QRICH2: variants seen among roughly 807,000 people sequenced by gnomAD.
The protein encoded by QRICH2 is glutamine rich 2, also known as glutamine-rich protein 2.
Under a neutral mutation model 168.3 loss-of-function variants are expected in QRICH2, and 119 were observed. The observed-to-expected ratio is 0.71, with a 90% CI of 0.61 to 0.82. The LOEUF is 0.82. Among genes scored for constraint, QRICH2 ranks in the 40% least tolerant of loss-of-function variants. The pLI, the probability that QRICH2 is intolerant of heterozygous loss-of-function variation, is 0.00. For missense variants in QRICH2, 2,241 were observed against 2,491.6 expected (o/e 0.90, Z 2.14); for synonymous variants, 894 against 951.2 (o/e 0.94, Z 1.11).
intron 2 of QRICH2, 130 bp downstream of exon 2, chr17:76,304,752 T>C (rs2070962590): frequency 1.2e-6 from 1 of 802,046 alleles, no homozygotes; most frequent in Non-Finnish European, 2.2e-6. Flanking sequence ...CCTCCAACCC[T>C]GGGGCAGAGA....
chr17:76,278,452 G>A (rs558693004), intron 14 of QRICH2, among the ~76,000 whole-genome samples: 27 of 152,374 alleles, frequency 1.8e-4, no homozygotes, highest in African/African-American at 6.0e-4. Flanking sequence ...GTGGGTGGAG[G>A]AGCTGAGGGC....
At chr17:76,289,099 G>A (rs1261049174) in intron 5 of QRICH2, among the ~76,000 whole-genome samples, 1 of 138,308 alleles carries the variant, frequency 7.2e-6, no homozygotes, top group African/African-American at 2.8e-5. Flanking sequence ...GTGAGACTGT[G>A]TCTCAAAAAA....
In QRICH2 at chr17:76,307,896, C is replaced by A; in HGVS notation, c.103G>T (p.Val35Leu). Residue 35 changes from valine (V) to leucine (L), a missense_variant, in exon 1 of 19, where the codon GTG becomes TTG. Val to Leu is a conservative substitution (Grantham distance 32, BLOSUM62 1). Transcript: ENST00000680821. The surrounding 1 kb of genome is among the most constrained non-coding windows in gnomAD (Gnocchi z 5.3). ...AGGTCGAGGTTCTTGAGCATGGCCA[C>A]GATGAGCGTGTGCAGGGCCGTGAAG... ...VNFTALHTLI[V>L]AMLKNLDLQN... is the part of the protein sequence containing the mutation. The A allele has an allele frequency of 7.9e-7, 1 of 1,266,448 alleles. No homozygotes were observed. Among genetic ancestry groups the A allele is most frequent in the Non-Finnish European group, 9.9e-7 (1 of 1,007,994 alleles). 78.5% of individuals were successfully genotyped at this position (1,266,448 alleles called of 1,614,324 possible).
At position 76,292,834 on chromosome 17, in the gene QRICH2, G is replaced by A. The variant is rs1411142869; in HGVS notation, c.1893C>T (p.Ala631=). ...VWPGMDQSGL[A]QPGRDQHGLI... ...AACCATGCTGATCTCTACCAGGTTGGGCCAAACCAGACTGATCCATTCCAG... is the reference window on the plus strand; with the variant it reads ...AACCATGCTGATCTCTACCAGGTTGAGCCAAACCAGACTGATCCATTCCAG... Residue 631 remains alanine, a synonymous_variant, in exon 4 of 19, where the codon GCC becomes GCT. Transcript: ENST00000680821. 1.2e-6 allele frequency: 2 copies of A among 1,600,988 alleles called. No individual in the cohort carries two copies. The highest frequency in any genetic ancestry group is 1.7e-6 in the Non-Finnish European group (2 of 1,179,038).
At chr17:76,283,690 A>C (rs148940614) in intron 7 of QRICH2, among the ~76,000 whole-genome samples, 1,467 of 142,238 alleles carry the variant, frequency 0.01, 50 homozygotes, top group Non-Finnish European at 0.014. Context: ...CCTGGCTAAC[A>C]TGGTGAAACC....
upstream of QRICH2, among the ~76,000 whole-genome samples, chr17:76,309,210 GCCGGGCATGGTA>G (rs2071037817): frequency 6.6e-6 from 1 of 150,482 alleles, no homozygotes; most frequent in African/African-American, 2.4e-5. Flanking sequence ...CAAAAAATTA[GCCGGGCATGGTA>G]CCGCGCATCT....
chr17:76,279,971 C>A lies in QRICH2; in HGVS notation c.4748+62G>T, dbSNP rs141175898. On this transcript the variant is annotated intron_variant, in intron 12 of 18. Transcript: ENST00000680821. ...GAGCTGTTTGTCTGGAGACCCCCAG[C>A]CCCCTCTGCCCTCACCCCCTGAAGA... is the stretch of plus-strand genomic sequence containing the variant. 418 of 1,517,348 alleles carry A rather than the reference C, an allele frequency of 2.8e-4. 7 individuals are homozygous for A. In the African/African-American group the frequency reaches 4.8e-3, roughly 17 times the overall value. 94.0% of individuals were successfully genotyped at this position (1,517,348 alleles called of 1,614,324 possible). A position where few individuals can be genotyped will look rare whatever the true frequency, so the allele number is the denominator to read the frequency against.
rs2071042779 is a variant in QRICH2 at position 76,293,148 on chromosome 17, G to A, written c.1579C>T (p.Leu527=). Residue 527 remains leucine (L), a synonymous_variant, in exon 4 of 19, where the codon CTA becomes TTA. Transcript: ENST00000680821. ...AAACCATGCTGGTCTGTAAAAGGTA[G>A]AACCAGGCCATGTTGATCGACGACA... ...LPVVDQHGLV[L]PFTDQHGLVS... is the part of the protein sequence containing the mutation. 2 of 1,614,244 alleles carry A rather than the reference G, an allele frequency of 1.2e-6. No homozygotes were observed. The highest frequency in any genetic ancestry group is 2.2e-5 in the East Asian group (1 of 44,890).
chr17:76,278,962 G>T, intron 14 of QRICH2, 79 bp downstream of exon 14: 1 of 1,202,310 alleles, frequency 8.3e-7, no homozygotes, highest in Non-Finnish European at 1.2e-6. Flanking sequence ...GCCCTCCGGA[G>T]TCATCCCTGT....
At chr17:76,290,195 T>G in intron 4 of QRICH2, 118 bp from the exon 5 acceptor site, 1 of 652,570 alleles carries the variant, frequency 1.5e-6, no homozygotes, top group Middle Eastern at 3.3e-4. Flanking sequence ...CCTATTACTT[T>G]ATCCTGTGTC....
intron 18 of QRICH2, among the ~76,000 whole-genome samples, chr17:76,275,148 A>G (rs1176225022): frequency 1.3e-5 from 2 of 152,132 alleles, no homozygotes; most frequent in Non-Finnish European, 2.9e-5. Flanking sequence ...ATGTGGGTGC[A>G]TAACTGTTTT....
chr17:76,288,373 G>T (rs1043787004), intron 5 of QRICH2, among the ~76,000 whole-genome samples: 1 of 83,936 alleles, frequency 1.2e-5, no homozygotes, highest in African/African-American at 4.8e-5. Context: ...AACAGAGCAA[G>T]AATCAGTCTT....
Position 76,275,882 on chromosome 17 carries a change from T to C in QRICH2, c.5419A>G (p.Ser1807Gly). Reference protein sequence around the residue: ...RPHVHRPPSLSSNGQLPSRPQ... With the variant: ...RPHVHRPPSLGSNGQLPSRPQ... ...CGAGAGGGCAGCTGGCCATTGCTGC[T>C]GAGGGATGGCGGCCTGTGCACGTGG... Residue 1807 changes from serine to glycine, a missense_variant, in exon 18 of 19, where the codon AGC (serine) becomes GGC (glycine). By Grantham distance (56) the Ser-to-Gly change is moderately conservative. Coordinates refer to ENST00000680821, the MANE Select transcript of QRICH2 (RefSeq NM_001388453.1). The C allele has an allele frequency of 6.2e-7, 1 of 1,608,942 alleles. No homozygotes were observed. Among genetic ancestry groups the C allele is most frequent in the Non-Finnish European group, 8.5e-7 (1 of 1,179,922 alleles).
Position 76,306,075 on chromosome 17 carries a change from CAGG to C in QRICH2, c.535-1137_535-1135del, listed in dbSNP as rs2070985765. 2.8e-5 allele frequency among the ~76,000 whole-genome samples: 4 copies of C among 141,610 alleles called. No individual in the cohort carries two copies. The South Asian group carries it at 9.0e-4, about 32-fold the overall frequency. The allele number at this position is 141,610 out of a possible 152,430, so 92.9% of individuals were successfully genotyped here. On this transcript the variant is annotated intron_variant, in intron 1 of 18. Coordinates refer to ENST00000680821, the MANE Select transcript of QRICH2 (RefSeq NM_001388453.1). Reference sequence around the variant, plus strand: ...ATCCTAGCTACTCGGGAAGCCGAGGCAGGAGAATTCCTTGAACCCAGGAGATGG... The same window carrying C: ...ATCCTAGCTACTCGGGAAGCCGAGGCAGAATTCCTTGAACCCAGGAGATGG...
At chr17:76,282,161 C>T (rs757318530) in intron 7 of QRICH2, 46 bp from the exon 8 acceptor site, 30 of 1,556,792 alleles carry the variant, frequency 1.9e-5, no homozygotes, top group East Asian at 1.1e-4. Flanking sequence ...AGGCCAGTCA[C>T]GGCCACGCTC....
chr17:76,307,410 G>C lies in QRICH2; in HGVS notation c.534+55C>G. ...GGTGGTGGGGACTCGGCTAGGCCTG[G>C]AGGGCGGCCTGGAGGAGGCAGACGG... On this transcript the variant is annotated intron_variant, in intron 1 of 18. Transcript: ENST00000680821. This position sits in a 1 kb window ranked among gnomAD's most constrained non-coding sequence, Gnocchi z 5.3. 6.3e-7 allele frequency: 1 copy of C among 1,591,160 alleles called. No individual in the cohort carries two copies. Among genetic ancestry groups the C allele is most frequent in the East Asian group, 2.2e-5 (1 of 44,762 alleles).
chr17:76,274,088 G>A lies in QRICH2; in HGVS notation c.5655C>T (p.Thr1885=), dbSNP rs747423018. 17 of 1,558,148 alleles carry A rather than the reference G, an allele frequency of 1.1e-5. No homozygotes were observed. The highest frequency in any genetic ancestry group is 1.7e-4 in the Middle Eastern group (1 of 5,948). ...TTATTTACACCTCCGCTCACTGAGC[G>A]GTGCTGGACCGCGGCCCCCGCGTGG... ...EEPTRGPRSS[T]AQ The change falls in exon 19 of 19, where the codon ACC becomes ACT. Residue 1885 remains threonine (T), a synonymous_variant. Transcript: ENST00000680821.
chr17:76,277,030 T>C, intron 16 of QRICH2, 133 bp downstream of exon 16: 1 of 1,005,640 alleles, frequency 9.9e-7, no homozygotes, highest in Non-Finnish European at 1.4e-6. Flanking sequence ...ACCTGAGGCT[T>C]TGACTGGGTC....
intron 7 of QRICH2, among the ~76,000 whole-genome samples, chr17:76,282,525 G>A (rs935243913): frequency 1.3e-5 from 2 of 152,170 alleles, no homozygotes; most frequent in African/African-American, 2.4e-5. Flanking sequence ...GCTTGCACAC[G>A]CTCCTGCTCA....
Sources: gnomAD v4.1 joint callset for allele counts (sites outside exome capture counted in the v4.1 genomes callset) on GRCh38, gnomAD v4.1.1 for gene constraint, Gnocchi (gnomAD v3.1) non-coding constraint, MANE v1.5 for transcripts, NCBI Gene and HGNC (gene_info 2026-07-23, HGNC 2026-07-21) for gene names.